The following LLGL1 variants were observed in gnomAD, a reference collection of about 807,000 sequenced individuals.
LLGL1 encodes the protein lethal(2) giant larvae protein homolog 1.
Under a neutral mutation model 110.6 loss-of-function variants are expected in LLGL1, and 58 were observed. The observed-to-expected ratio is 0.52, with a 90% confidence interval of 0.42 to 0.65. The LOEUF is 0.65. LLGL1 is among the 30% of genes least tolerant of loss of function. LLGL1 has a pLI of 0.00. For synonymous variants in LLGL1, 674 were observed against 607.2 expected (o/e 1.11, Z -1.62); for missense variants, 1,229 against 1,462.1 (o/e 0.84, Z 2.60).
Position 18,241,585 on chromosome 17 carries a change from C to T in LLGL1, c.2637C>T (p.Ala879=). 1 of 1,613,834 alleles carries T rather than the reference C, an allele frequency of 6.2e-7. No homozygotes were observed. The highest frequency in any genetic ancestry group is 8.5e-7 in the Non-Finnish European group (1 of 1,180,030). ...ACEDYAETCL[A]CLTNLGDVHV... is the part of the protein sequence containing the mutation. ...AGGACTATGCTGAGACCTGCCTGGCCTGCCTCACCAACCTGGGTGACGTCC... is the reference window on the plus strand; with the variant it reads ...AGGACTATGCTGAGACCTGCCTGGCTTGCCTCACCAACCTGGGTGACGTCC... Residue 879 remains alanine (A), a synonymous_variant, in exon 18 of 23, where the codon GCC becomes GCT. Transcript: ENST00000316843.
chr17:18,238,300 G>A (rs1001865147), intron 15 of LLGL1, 86 bp downstream of exon 15: 75 of 1,589,478 alleles, frequency 4.7e-5, no homozygotes, highest in Admixed American at 1.5e-4. Context: ...GGCCTGCTTA[G>A]CTCAGTGCTC....
chr17:18,234,510 G>A, intron 7 of LLGL1, 102 bp downstream of exon 7: 3 of 1,577,346 alleles, frequency 1.9e-6, no homozygotes, highest in Non-Finnish European at 2.6e-6. Context: ...GGGGTGGTCT[G>A]GGGGCAGTGT....
At chr17:18,230,467 C>T (rs1488048651) in intron 2 of LLGL1, among the ~76,000 whole-genome samples, 1 of 151,624 alleles carries the variant, frequency 6.6e-6, no homozygotes, top group Non-Finnish European at 1.5e-5. Flanking sequence ...GCAAAGGGGC[C>T]TGGGGGCAGT....
intron 4 of LLGL1, among the ~76,000 whole-genome samples, chr17:18,233,197 G>C (rs1012595174): frequency 2.6e-5 from 4 of 152,196 alleles, no homozygotes; most frequent in Non-Finnish European, 4.4e-5. Context: ...TTGTGGGTGG[G>C]AGACAGGCCT....
Position 18,241,329 on chromosome 17 carries a change from A to T in LLGL1, c.2503-122A>T, listed in dbSNP as rs1009136722. 3.1e-6 allele frequency: 4 copies of T among 1,292,494 alleles called. No individual in the cohort carries two copies. The Admixed American group carries it at 9.7e-5, about 31-fold the overall frequency. The allele number at this position is 1,292,494 out of a possible 1,614,324, so 80.1% of individuals were successfully genotyped here. A position where few individuals can be genotyped will look rare whatever the true frequency, so the allele number is the denominator to read the frequency against. On this transcript the variant is annotated intron_variant, in intron 17 of 22. Coordinates refer to ENST00000316843, the MANE Select transcript of LLGL1 (RefSeq NM_004140.4). ...GGGCAGCCAGGTGTACAGGCACGGG[A>T]GGCCACGTAGCATGCAGCTGGGCTT... is the stretch of plus-strand genomic sequence containing the variant.
intron 11 of LLGL1, 158 bp from the exon 12 acceptor site, chr17:18,236,449 T>C: frequency 1.5e-6 from 1 of 683,036 alleles, no homozygotes; most frequent in Non-Finnish European, 2.5e-6. Context: ...ACCTGTGCTG[T>C]CTACAGTAGG....
At position 18,241,829 on chromosome 17, in the gene LLGL1, GGA is replaced by G; in HGVS notation, c.2768-54_2768-53del. 6.2e-6 allele frequency: 10 copies of G among 1,603,224 alleles called. No individual in the cohort carries two copies. The South Asian group carries it at 1.1e-4, about 18-fold the overall frequency. Reference sequence around the variant, plus strand: ...GGTGGGCACAGGCCCAGGCCACGGAGGAGCTGTGGTTGGTGGTATCTTCTAAC... The same window carrying G: ...GGTGGGCACAGGCCCAGGCCACGGAGGCTGTGGTTGGTGGTATCTTCTAAC... On this transcript the variant is annotated intron_variant, in intron 18 of 22. Transcript: ENST00000316843.
At chr17:18,226,263 C>T (rs1169965955) in intron 1 of LLGL1, among the ~76,000 whole-genome samples, 1 of 152,334 alleles carries the variant, frequency 6.6e-6, no homozygotes, top group African/African-American at 2.4e-5. Flanking sequence ...GTGTCTCTCT[C>T]TCTGTCTCTG....
At chr17:18,235,580 T>C in intron 11 of LLGL1, 43 bp downstream of exon 11, 1 of 1,592,292 alleles carries the variant, frequency 6.3e-7, no homozygotes. Context: ...CCCTTGCTGT[T>C]GGGGGAGAGC....
chr17:18,234,206 C>G (rs1567688921), intron 6 of LLGL1, 31 bp downstream of exon 6: 1 of 1,601,028 alleles, frequency 6.2e-7, no homozygotes, highest in Non-Finnish European at 8.5e-7. Flanking sequence ...TCCCCTCAGC[C>G]TGGGCCCCTT....
Position 18,234,882 on chromosome 17 carries a change from T to C in LLGL1, c.949T>C (p.Tyr317His). 6.2e-7 allele frequency: 1 copy of C among 1,613,984 alleles called. No individual in the cohort carries two copies. The highest frequency in any genetic ancestry group is 8.5e-7 in the Non-Finnish European group (1 of 1,180,008). Residue 317 changes from tyrosine (Y) to histidine (H), a missense_variant, in exon 9 of 23, where the codon TAT becomes CAT. Physicochemically the swap from Tyr to His is moderately conservative, Grantham distance 83. Transcript: ENST00000316843. ...IFSGGMPRAS[Y>H]GDRHCVSVLR... is the part of the protein sequence containing the mutation. ...CAGCGGTGGCATGCCCCGTGCCAGC[T>C]ATGGTGACCGCCACTGTGTAAGTGT... is the stretch of plus-strand genomic sequence containing the variant.
At chr17:18,238,702 T>C (rs1426928750) in intron 16 of LLGL1, 93 bp downstream of exon 16, 2 of 1,296,658 alleles carry the variant, frequency 1.5e-6, no homozygotes, top group East Asian at 4.7e-5. Flanking sequence ...AGGGAGGTGG[T>C]GGGACTGCAC....
At chr17:18,239,097 G>C (rs1267021586) in intron 16 of LLGL1, among the ~76,000 whole-genome samples, 1 of 152,156 alleles carries the variant, frequency 6.6e-6, no homozygotes, top group African/African-American at 2.4e-5. Flanking sequence ...AAGGATTTTT[G>C]AGTGAGCTGG....
rs372442131 is a variant in LLGL1 at position 18,231,422 on chromosome 17, C to T, written c.180-1073C>T. Among the ~76,000 whole-genome samples, 513 of 152,322 alleles carry T rather than the reference C, an allele frequency of 3.4e-3. 25 individuals are homozygous for T. In the South Asian group the frequency reaches 0.098, roughly 29 times the overall value. On this transcript the variant is annotated intron_variant, in intron 2 of 22. Coordinates refer to ENST00000316843, the MANE Select transcript of LLGL1 (RefSeq NM_004140.4). ...CAGGCAACGGCTCCTGTGTTGTCAC[C>T]GGGGCAACGTTGCTGACTCCTCCCT...
intron 18 of LLGL1, 70 bp downstream of exon 18, chr17:18,241,785 G>A: frequency 6.2e-7 from 1 of 1,607,910 alleles, no homozygotes; most frequent in Non-Finnish European, 8.5e-7. Flanking sequence ...TACTGCTTGG[G>A]AGCAGGAAGG....
In LLGL1 at chr17:18,233,784, G is replaced by T. The variant is rs761117478; in HGVS notation, c.399G>T (p.Pro133=). The change falls in exon 5 of 23, where the codon CCG becomes CCT. Residue 133 remains proline (P), a synonymous_variant. Coordinates refer to ENST00000316843, the MANE Select transcript of LLGL1 (RefSeq NM_004140.4). ...TTCCCCTTGTTCCCTGCAGTGCTCC[G>T]CTCAGCCTTACCCGAGTCACAGTGG... ...SRPGFDGASA[P]LSLTRVTVVL... 6.2e-7 allele frequency: 1 copy of T among 1,613,066 alleles called. No homozygotes were observed. Among genetic ancestry groups the T allele is most frequent in the Non-Finnish European group, 8.5e-7 (1 of 1,179,396 alleles).
At chr17:18,229,550 G>T (rs1285020451) in intron 1 of LLGL1, among the ~76,000 whole-genome samples, 3 of 152,190 alleles carry the variant, frequency 2.0e-5, no homozygotes, top group Non-Finnish European at 4.4e-5. Context: ...GGGGTGCAGA[G>T]CCCTTCATGG....
At chr17:18,227,547 C>T (rs1463126657) in intron 1 of LLGL1, among the ~76,000 whole-genome samples, 3 of 152,140 alleles carry the variant, frequency 2.0e-5, no homozygotes, top group African/African-American at 4.8e-5. Context: ...TCACCATGCC[C>T]GGCTAGTTTT....
At chr17:18,229,920 G>T in intron 1 of LLGL1, 21 bp from the exon 2 acceptor site, 1 of 1,568,894 alleles carries the variant, frequency 6.4e-7, no homozygotes. Flanking sequence ...CTTACCCCCA[G>T]CAGCCCTCCC....
Sources: gnomAD v4.1 joint callset for allele counts (sites outside exome capture counted in the v4.1 genomes callset) on GRCh38, gnomAD v4.1.1 for gene constraint, MANE v1.5 for transcripts, NCBI Gene and HGNC (gene_info 2026-07-23, HGNC 2026-07-21) for gene names.